TXNDC12: variants seen among roughly 807,000 people sequenced by gnomAD.
TXNDC12 encodes the protein thioredoxin domain-containing protein 12.
Under a neutral mutation model 24.2 loss-of-function variants are expected in TXNDC12, and 22 were observed. The ratio of observed to expected loss-of-function variants is 0.91; its 90% CI spans 0.65 to 1.30. The LOEUF is 1.30. Among genes scored for constraint, TXNDC12 ranks in the 50% most tolerant of loss-of-function variants. The pLI, the probability that TXNDC12 is intolerant of heterozygous loss-of-function variation, is 0.00. For missense variants in TXNDC12, 184 were observed against 205.8 expected (o/e 0.89, Z 0.65); for synonymous variants, 58 against 73.4 (o/e 0.79, Z 1.07).
intron 2 of TXNDC12, among the ~76,000 whole-genome samples, chr1:52,036,465 G>A (rs1368074668): frequency 6.6e-6 from 1 of 152,202 alleles, no homozygotes; most frequent in Non-Finnish European, 1.5e-5. Flanking sequence ...GGAAGAGGAA[G>A]AGGAGAGGTT....
At chr1:52,051,377 AT>A (rs1164953608) in intron 1 of TXNDC12, among the ~76,000 whole-genome samples, 1 of 151,158 alleles carries the variant, frequency 6.6e-6, no homozygotes, top group Admixed American at 6.6e-5. Flanking sequence ...CTCCTAATTT[AT>A]TTATTTATTT....
At chr1:52,052,992 C>T (rs1463011252) in intron 1 of TXNDC12, among the ~76,000 whole-genome samples, 1 of 151,972 alleles carries the variant, frequency 6.6e-6, no homozygotes, top group Non-Finnish European at 1.5e-5. Flanking sequence ...GCCTATAATC[C>T]CAATACTTTG....
At chr1:52,025,957 T>C (rs997339549) in intron 4 of TXNDC12, among the ~76,000 whole-genome samples, 4 of 151,972 alleles carry the variant, frequency 2.6e-5, no homozygotes, top group African/African-American at 9.7e-5. Flanking sequence ...GGCTCCCTAG[T>C]AGCTGGGACT....
In TXNDC12 at chr1:52,035,637, G is replaced by T. The variant is rs180830059; in HGVS notation, c.158+5900C>A. 5.0e-3 allele frequency among the ~76,000 whole-genome samples: 758 copies of T among 152,188 alleles called. 10 individuals are homozygous for T. The highest frequency in any genetic ancestry group is 5.5e-3 in the Non-Finnish European group (374 of 67,998). On this transcript the variant is annotated intron_variant, in intron 2 of 6. Coordinates refer to ENST00000371626, the MANE Select transcript of TXNDC12 (RefSeq NM_015913.4). ...TGAGGCAGGAGAATTGCTTGAACCC[G>T]GGATGCGGAGGTTGCAGTGAGCCTA... is the stretch of plus-strand genomic sequence containing the variant.
At chr1:52,022,723 C>T (rs530965185) in intron 6 of TXNDC12, among the ~76,000 whole-genome samples, 1 of 151,152 alleles carries the variant, frequency 6.6e-6, no homozygotes, top group East Asian at 2.0e-4. Context: ...TCACTGCAAC[C>T]TCTGCCTCTC....
intron 1 of TXNDC12, among the ~76,000 whole-genome samples, chr1:52,053,696 G>A (rs1054506946): frequency 6.6e-6 from 1 of 151,016 alleles, no homozygotes; most frequent in Non-Finnish European, 1.5e-5. Context: ...AAAAAAAAAC[G>A]GTAGTCTGTT....
chr1:52,049,922 A>C (rs1379690416), intron 1 of TXNDC12, among the ~76,000 whole-genome samples: 1 of 152,184 alleles, frequency 6.6e-6, no homozygotes, highest in Non-Finnish European at 1.5e-5. Flanking sequence ...CAGGTACTTA[A>C]ATGCTTTTAT....
chr1:52,027,973 G>A (rs967074913), intron 3 of TXNDC12, among the ~76,000 whole-genome samples: 2 of 151,788 alleles, frequency 1.3e-5, no homozygotes, highest in African/African-American at 4.8e-5. Flanking sequence ...TTACAGGCGC[G>A]TGCCACCAAA....
At chr1:52,027,460 G>A in intron 3 of TXNDC12, 112 bp from the exon 4 acceptor site, 1 of 824,888 alleles carries the variant, frequency 1.2e-6, no homozygotes, top group Non-Finnish European at 1.9e-6. Flanking sequence ...TTGTTTAGTT[G>A]ATTCATATAA....
chr1:52,055,812 T>G (rs1686332998), upstream of TXNDC12: 1 of 152,276 alleles, frequency 6.6e-6, no homozygotes, highest in African/African-American at 2.4e-5. Context: ...GACCTCTTAT[T>G]GCAAAACTGA....
chr1:52,033,644 C>G, intron 2 of TXNDC12: 1 of 1,611,614 alleles, frequency 6.2e-7, no homozygotes, highest in Non-Finnish European at 8.5e-7. Flanking sequence ...GCGCCCAGGA[C>G]AGCTGCGTCG....
At chr1:52,035,544 T>G (rs1177638076) in intron 2 of TXNDC12, among the ~76,000 whole-genome samples, 2 of 152,080 alleles carry the variant, frequency 1.3e-5, no homozygotes, top group Non-Finnish European at 2.9e-5. Context: ...CTGTCTCTAC[T>G]AAAAATACTT....
intron 6 of TXNDC12, among the ~76,000 whole-genome samples, chr1:52,021,386 A>T (rs1018790770): frequency 2.6e-5 from 4 of 151,974 alleles, no homozygotes; most frequent in African/African-American, 9.7e-5. Context: ...GGAAGAGGAA[A>T]CACCTTCCTA....
intron 2 of TXNDC12, among the ~76,000 whole-genome samples, chr1:52,040,531 T>C (rs1685965715): frequency 6.6e-6 from 1 of 152,218 alleles, no homozygotes; most frequent in Admixed American, 6.5e-5. Flanking sequence ...GATTTCTGTA[T>C]GTTTTATGGT....
chr1:52,032,195 A>T (rs1685774013), intron 2 of TXNDC12: 1 of 985,336 alleles, frequency 1.0e-6, no homozygotes, highest in Non-Finnish European at 1.2e-6. Context: ...ATACAAACCA[A>T]TGGATTTATC....
intron 2 of TXNDC12, among the ~76,000 whole-genome samples, chr1:52,041,190 A>G (rs527956241): frequency 4.8e-4 from 73 of 151,560 alleles, no homozygotes; most frequent in African/African-American, 1.7e-3. Flanking sequence ...AAAATTAGCC[A>G]GGCGTGGTGG....
chr1:52,026,706 C>A (rs571057767), intron 4 of TXNDC12, among the ~76,000 whole-genome samples: 2 of 152,142 alleles, frequency 1.3e-5, no homozygotes, highest in East Asian at 3.9e-4. Flanking sequence ...TTGAGACTAG[C>A]CTGGCCAACA....
At chr1:52,032,961 G>A (rs772543782) in intron 2 of TXNDC12, 5 of 1,585,772 alleles carry the variant, frequency 3.2e-6, no homozygotes, top group East Asian at 2.2e-5. Context: ...GAAAGCTGCC[G>A]GAGGCGAGGG....
intron 2 of TXNDC12, chr1:52,033,954 C>T (rs1393778307): frequency 1.6e-5 from 23 of 1,422,362 alleles, no homozygotes; most frequent in Non-Finnish European, 2.1e-5. Context: ...GATACAGAGA[C>T]TATAATGGCA....
Sources: allele counts gnomAD v4.1 joint callset (sites outside exome capture counted in the v4.1 genomes callset), GRCh38; gene constraint gnomAD v4.1.1; transcripts MANE v1.5; gene names NCBI Gene and HGNC (gene_info 2026-07-23, HGNC 2026-07-21).